The following MARCHF1 variants were observed in gnomAD, a reference collection of about 807,000 sequenced individuals.
MARCHF1 encodes the protein E3 ubiquitin-protein ligase MARCHF1.
In MARCHF1, 40 loss-of-function variants were observed where a neutral mutation model predicts 54.2. The observed-to-expected ratio is 0.74, with a 90% CI of 0.57 to 0.96. MARCHF1 has a LOEUF of 0.96. Among genes scored for constraint, MARCHF1 ranks in the 40% least tolerant of loss-of-function variants. The pLI is 0.00. For synonymous variants in MARCHF1, 236 were observed against 236.3 expected (o/e 1.00, Z 0.01); for missense variants, 586 against 656.5 (o/e 0.89, Z 1.17).
At chr4:164,069,454 C>T (rs1349537445) in intron 2 of MARCHF1, among the ~76,000 whole-genome samples, 4 of 152,176 alleles carry the variant, frequency 2.6e-5, no homozygotes, top group Non-Finnish European at 2.9e-5. Flanking sequence ...TAACACTCAC[C>T]GCGAAGGTCT....
chr4:163,918,526 A>T (rs1203267723), intron 3 of MARCHF1, among the ~76,000 whole-genome samples: 1 of 152,100 alleles, frequency 6.6e-6, no homozygotes, highest in African/African-American at 2.4e-5. Context: ...AGCCTATCTG[A>T]TTGTGGGGGA....
intron 4 of MARCHF1, among the ~76,000 whole-genome samples, chr4:163,742,005 A>G (rs1270098926): frequency 1.3e-5 from 2 of 152,112 alleles, no homozygotes; most frequent in Non-Finnish European, 2.9e-5. Context: ...TGAAGTTTTT[A>G]TTTTTGTGTA....
rs529861379 is a variant in MARCHF1 at position 163,836,629 on chromosome 4, G to C, written c.111+17392C>G. On this transcript the variant is annotated intron_variant, in intron 4 of 9. Transcript: ENST00000514618. Reference sequence around the variant, plus strand: ...CTCCTAGTCTCTCTGCTGTGAGGAAGAAAGTTCTACCTTTAGAATAAAGTA... The same window carrying C: ...CTCCTAGTCTCTCTGCTGTGAGGAACAAAGTTCTACCTTTAGAATAAAGTA... Among the ~76,000 whole-genome samples the C allele has an allele frequency of 1.4e-3, 10 of 7,380 alleles. 1 individual carries two copies. In the South Asian group the frequency reaches 0.05, roughly 37 times the overall value. The allele number at this position is 7,380 out of a possible 152,430, so 4.8% of individuals were successfully genotyped here.
chr4:163,815,615 C>T (rs1748511621), intron 4 of MARCHF1, among the ~76,000 whole-genome samples: 1 of 152,138 alleles, frequency 6.6e-6, no homozygotes, highest in South Asian at 2.1e-4. Flanking sequence ...TATTTGCATT[C>T]TGCTAACAGT....
chr4:163,924,214 A>G (rs373670433), intron 3 of MARCHF1, among the ~76,000 whole-genome samples: 1 of 152,082 alleles, frequency 6.6e-6, no homozygotes, highest in African/African-American at 2.4e-5. Context: ...ATGCTTTGCA[A>G]TTTCAGAGGA....
chr4:163,968,276 T>A (rs1752482502), intron 3 of MARCHF1, among the ~76,000 whole-genome samples: 1 of 152,070 alleles, frequency 6.6e-6, no homozygotes, highest in South Asian at 2.1e-4. Flanking sequence ...CTTGACTTGG[T>A]TTTTTGCAAG....
chr4:163,707,607 G>C (rs1181055065), intron 4 of MARCHF1, among the ~76,000 whole-genome samples: 1 of 151,812 alleles, frequency 6.6e-6, no homozygotes, highest in Non-Finnish European at 1.5e-5. Flanking sequence ...AAAAATGCTA[G>C]TAGAAATGTG....
At chr4:164,113,591 G>A (rs1164335601) in intron 1 of MARCHF1, among the ~76,000 whole-genome samples, 2 of 151,932 alleles carry the variant, frequency 1.3e-5, no homozygotes, top group Admixed American at 6.6e-5. Context: ...GGTGAGGTGG[G>A]TGCCAAAAAT....
chr4:164,143,070 C>A (rs1756592476), intron 1 of MARCHF1, among the ~76,000 whole-genome samples: 1 of 145,474 alleles, frequency 6.9e-6, no homozygotes. Flanking sequence ...GAAAGGGTAT[C>A]AGCAATGGAA....
chr4:164,223,192 CA>C (rs1374248180), intron 1 of MARCHF1, among the ~76,000 whole-genome samples: 2 of 151,970 alleles, frequency 1.3e-5, no homozygotes, highest in East Asian at 3.9e-4. Flanking sequence ...ACAGCCAAAC[CA>C]TATCAGTGAG....
chr4:164,159,283 G>T (rs989068613), intron 1 of MARCHF1, among the ~76,000 whole-genome samples: 1 of 152,002 alleles, frequency 6.6e-6, no homozygotes, highest in African/African-American at 2.4e-5. Context: ...AGTAATCGTG[G>T]ATTTTGCTTT....
chr4:163,807,515 T>C (rs535385121), intron 4 of MARCHF1, among the ~76,000 whole-genome samples: 23 of 152,260 alleles, frequency 1.5e-4, no homozygotes, highest in Middle Eastern at 6.8e-3. Flanking sequence ...TGGCTAAATA[T>C]GTTTGTAAAA....
chr4:163,622,874 C>T (rs1324938291), intron 5 of MARCHF1, among the ~76,000 whole-genome samples: 1 of 152,140 alleles, frequency 6.6e-6, no homozygotes, highest in Non-Finnish European at 1.5e-5. Flanking sequence ...TAGGCCCTTT[C>T]AGCAGGTCAA....
At chr4:164,049,955 T>C (rs1403142852) in intron 2 of MARCHF1, among the ~76,000 whole-genome samples, 1 of 152,162 alleles carries the variant, frequency 6.6e-6, no homozygotes, top group Non-Finnish European at 1.5e-5. Flanking sequence ...ATGCCTAACA[T>C]TGGGCATCTC....
chr4:164,091,815 A>C (rs1755308062), intron 2 of MARCHF1, among the ~76,000 whole-genome samples: 1 of 151,920 alleles, frequency 6.6e-6, no homozygotes, highest in South Asian at 2.1e-4. Context: ...GGAAATATCT[A>C]AGAAGAGTAA....
chr4:163,834,707 A>G (rs1749130373), intron 4 of MARCHF1, among the ~76,000 whole-genome samples: 1 of 150,202 alleles, frequency 6.7e-6, no homozygotes, highest in African/African-American at 2.5e-5. Flanking sequence ...ACAAAAAACC[A>G]AACACCGCAT....
intron 1 of MARCHF1, among the ~76,000 whole-genome samples, chr4:164,207,390 C>T (rs1043571082): frequency 7.2e-5 from 11 of 152,020 alleles, no homozygotes; most frequent in African/African-American, 9.7e-5. Context: ...TTACAGGCAC[C>T]GGCAGTGAAT....
At chr4:163,909,041 A>AT (rs966486387) in intron 3 of MARCHF1, among the ~76,000 whole-genome samples, 1 of 152,194 alleles carries the variant, frequency 6.6e-6, no homozygotes, top group Non-Finnish European at 1.5e-5. Context: ...ACACAACTTC[A>AT]TTTTTTTAAC....
intron 1 of MARCHF1, among the ~76,000 whole-genome samples, chr4:164,369,618 T>A (rs1730977827): frequency 6.6e-6 from 1 of 152,222 alleles, no homozygotes; most frequent in South Asian, 2.1e-4. Flanking sequence ...TATGTACTTA[T>A]ATACTAATGT....
Sources: allele counts gnomAD v4.1 joint callset (sites outside exome capture counted in the v4.1 genomes callset), GRCh38; gene constraint gnomAD v4.1.1; transcripts MANE v1.5; gene names NCBI Gene and HGNC (gene_info 2026-07-23, HGNC 2026-07-21).